The following PLEKHG1 variants were observed in gnomAD, a reference collection of about 807,000 sequenced individuals.
PLEKHG1 encodes pleckstrin homology domain-containing family G member 1.
PLEKHG1 carries 44 observed loss-of-function variants against 100.8 expected under a neutral mutation model. The ratio of observed to expected loss-of-function variants is 0.44; its 90% CI spans 0.34 to 0.56. The LOEUF (loss-of-function observed/expected upper bound fraction) is 0.56. Ranked by LOEUF, PLEKHG1 falls within the 20% of genes least tolerant of loss-of-function variation. The pLI is 0.01. For missense variants in PLEKHG1, 1,545 were observed against 1,720.9 expected (o/e 0.90, Z 1.81); for synonymous variants, 640 against 662.5 (o/e 0.97, Z 0.52).
At chr6:150,776,092 T>C (rs1288965294) in intron 3 of PLEKHG1, among the ~76,000 whole-genome samples, 1 of 152,178 alleles carries the variant, frequency 6.6e-6, no homozygotes, top group African/African-American at 2.4e-5. Flanking sequence ...GCCTCAAAGT[T>C]CGCATCAGGG....
At chr6:150,820,069 C>A (rs559948525) in intron 12 of PLEKHG1, among the ~76,000 whole-genome samples, 11 of 152,194 alleles carry the variant, frequency 7.2e-5, no homozygotes, top group African/African-American at 2.4e-4. Flanking sequence ...GTTAGCCAGG[C>A]GTGGTGGTGT....
chr6:150,677,552 A>C (rs977194989), intron 3 of PLEKHG1, among the ~76,000 whole-genome samples: 1 of 152,118 alleles, frequency 6.6e-6, no homozygotes, highest in Non-Finnish European at 1.5e-5. Context: ...ACATGCAGAC[A>C]CAAGACTCAG....
At chr6:150,654,210 G>C (rs746094090) in intron 3 of PLEKHG1, among the ~76,000 whole-genome samples, 1 of 152,230 alleles carries the variant, frequency 6.6e-6, no homozygotes, top group East Asian at 1.9e-4. Context: ...ACCGGGTGCT[G>C]AGGGCGTCCT....
chr6:150,829,712 G>T (rs1234850982), intron 14 of PLEKHG1, among the ~76,000 whole-genome samples: 1 of 152,050 alleles, frequency 6.6e-6, no homozygotes, highest in African/African-American at 2.4e-5. Context: ...AATGTATTTT[G>T]AAATAAGTAA....
intron 3 of PLEKHG1, among the ~76,000 whole-genome samples, chr6:150,661,982 G>A (rs1031295966): frequency 2.0e-5 from 3 of 152,166 alleles, no homozygotes; most frequent in Non-Finnish European, 4.4e-5. Context: ...CCAGGATCCC[G>A]AGAGAAGGAT....
rs1778427262 is a variant in PLEKHG1, at chr6:150,644,883, T to C, written c.-157-5845T>C. Among the ~76,000 whole-genome samples, 4 of 152,162 alleles carry C rather than the reference T, an allele frequency of 2.6e-5. No homozygotes were observed. The South Asian group carries it at 8.3e-4, about 32-fold the overall frequency. On this transcript the variant is annotated intron_variant, in intron 2 of 3. Coordinates refer to the PLEKHG1 transcript ENST00000367326. ...CTCTAAATAGTGTGGAGAGGTAACA[T>C]GTTCATAGACAATATCATTATTATA...
At chr6:150,808,796 A>G (rs1787300475) in intron 7 of PLEKHG1, among the ~76,000 whole-genome samples, 1 of 152,006 alleles carries the variant, frequency 6.6e-6, no homozygotes, top group Admixed American at 6.6e-5. Context: ...AAGAGGCCAT[A>G]CTGGTGGCCC....
chr6:150,832,299 A>G, intron 15 of PLEKHG1, 94 bp downstream of exon 16: 1 of 997,990 alleles, frequency 1.0e-6, no homozygotes. Flanking sequence ...ACCTGTGAGA[A>G]CACTGACACT....
At position 150,666,604 on chromosome 6, in the gene PLEKHG1, C is replaced by G. The variant is rs145725961; in HGVS notation, c.-99+15818C>G. Among the ~76,000 whole-genome samples the G allele has an allele frequency of 4.8e-3, 724 of 152,186 alleles. 3 individuals carry two copies. Among genetic ancestry groups the G allele is most frequent in the Non-Finnish European group, 8.8e-3 (600 of 68,010 alleles). On this transcript the variant is annotated intron_variant, in intron 3 of 3. Coordinates refer to the PLEKHG1 transcript ENST00000367326. ...ATTGCAGACACAGAAAAGACCTACTCCTAAGTATCTCATGTTATTGATGAG... is the reference window on the plus strand; with the variant it reads ...ATTGCAGACACAGAAAAGACCTACTGCTAAGTATCTCATGTTATTGATGAG...
chr6:150,776,057 G>C (rs1247813226), intron 3 of PLEKHG1, among the ~76,000 whole-genome samples: 1 of 152,136 alleles, frequency 6.6e-6, no homozygotes, highest in Non-Finnish European at 1.5e-5. Context: ...AGCAATAGAA[G>C]GTTCAAGGTC....
intron 3 of PLEKHG1, among the ~76,000 whole-genome samples, chr6:150,668,668 C>T (rs1779487124): frequency 6.6e-6 from 1 of 152,078 alleles, no homozygotes; most frequent in African/African-American, 2.4e-5. Context: ...AACTCTAGCA[C>T]AAAGGACTTT....
At chr6:150,776,190 G>A (rs1054278927) in intron 3 of PLEKHG1, among the ~76,000 whole-genome samples, 2 of 152,182 alleles carry the variant, frequency 1.3e-5, no homozygotes, top group Non-Finnish European at 2.9e-5. Flanking sequence ...CTGAGCTCAA[G>A]TAGGAAATTT....
intron 1 of PLEKHG1, chr6:150,605,751 T>A (rs1285537088): frequency 1.3e-5 from 2 of 152,208 alleles, no homozygotes; most frequent in African/African-American, 4.8e-5. Flanking sequence ...ATCTTTGAAA[T>A]ATTTCAATTT....
chr6:150,735,047 T>G (rs1368681464), intron 2 of PLEKHG1, among the ~76,000 whole-genome samples: 1 of 144,644 alleles, frequency 6.9e-6, no homozygotes, highest in Non-Finnish European at 1.5e-5. Context: ...AGTGCAATGG[T>G]GCGATCTTGG....
chr6:150,649,178 C>T (rs139750838), intron 2 of PLEKHG1, among the ~76,000 whole-genome samples: 472 of 152,244 alleles, frequency 3.1e-3, no homozygotes, highest in Admixed American at 6.0e-3. Flanking sequence ...TGTTTTTACT[C>T]CTCCTATGCA....
intron 15 of PLEKHG1, among the ~76,000 whole-genome samples, chr6:150,833,990 A>G (rs113927622): frequency 1.3e-5 from 2 of 152,328 alleles, no homozygotes; most frequent in African/African-American, 4.8e-5. Context: ...CACAAGTTAC[A>G]TAACAAGAAT....
intron 5 of PLEKHG1, among the ~76,000 whole-genome samples, chr6:150,797,834 C>CAAAAAAAA (rs58218481): frequency 4.2e-5 from 1 of 23,910 alleles, no homozygotes; most frequent in Non-Finnish European, 7.0e-5. Context: ...GACTCTGTCT[C>CAAAAAAAA]AAAAAAAAAA....
At chr6:150,795,678 T>C (rs1390623646) in intron 4 of PLEKHG1, among the ~76,000 whole-genome samples, 178 bp from the exon 6 acceptor site, 13 of 150,776 alleles carry the variant, frequency 8.6e-5, no homozygotes, top group Non-Finnish European at 1.3e-4. Context: ...GCCGAGATCA[T>C]GCCATTGTAC....
rs1776387632 is a variant in PLEKHG1, at chr6:150,602,253, T to C, written c.-204+2236T>C. Among the ~76,000 whole-genome samples the C allele has an allele frequency of 3.9e-5, 6 of 152,338 alleles. No individual in the cohort carries two copies. In the South Asian group the frequency reaches 1.0e-3, roughly 26 times the overall value. On this transcript the variant is annotated intron_variant, in intron 1 of 3. Transcript: ENST00000367326. ...AGATTTCTTTTCCTCTCCACTCCTT[T>C]CATTGCTGGTGGTTGGTCTTTCAAG...
Sources: gnomAD v4.1 joint callset for allele counts (sites outside exome capture counted in the v4.1 genomes callset) on GRCh38, gnomAD v4.1.1 for gene constraint, MANE v1.5 for transcripts, NCBI Gene and HGNC (gene_info 2026-07-23, HGNC 2026-07-21) for gene names.